Variants in CSMD3 observed in about 807,000 individuals in gnomAD.
CSMD3 encodes CUB and sushi domain-containing protein 3.
Under a neutral mutation model 435.2 loss-of-function variants are expected in CSMD3, and 177 were observed. The observed-to-expected ratio is 0.41, with a 90% CI of 0.36 to 0.46. CSMD3 has a LOEUF of 0.46. Ranked by LOEUF, CSMD3 falls within the 20% of genes least tolerant of loss-of-function variation. The pLI is 0.34. For missense variants in CSMD3, 4,265 were observed against 4,504.6 expected (o/e 0.95, Z 1.52); for synonymous variants, 1,656 against 1,520.5 (o/e 1.09, Z -2.07).
chr8:112,264,279 T>C lies in CSMD3; in HGVS notation c.9689-467A>G, dbSNP rs990770097. ...ACAGGTCATATGTCTGAGTATAATA[T>C]CCAAGTTAGTTCCCTTAACCACTTA... On this transcript the variant is annotated intron_variant, in intron 60 of 70. Coordinates refer to ENST00000297405, the MANE Select transcript of CSMD3 (RefSeq NM_198123.2). Among the ~76,000 whole-genome samples, 4 of 152,188 alleles carry C rather than the reference T, an allele frequency of 2.6e-5. No individual in the cohort carries two copies. In the East Asian group the frequency reaches 7.7e-4, roughly 29 times the overall value.
intron 5 of CSMD3, among the ~76,000 whole-genome samples, chr8:113,041,205 T>C (rs1342487044): frequency 1.6e-4 from 12 of 74,660 alleles, no homozygotes; most frequent in African/African-American, 6.5e-4. Flanking sequence ...GACTCCGTCT[T>C]AAAAAAAAAA....
intron 13 of CSMD3, among the ~76,000 whole-genome samples, chr8:112,752,639 A>C: frequency 6.6e-6 from 1 of 152,208 alleles, no homozygotes; most frequent in East Asian, 1.9e-4. Flanking sequence ...CTGAAGTTAT[A>C]AAGCTAACAA....
intron 5 of CSMD3, among the ~76,000 whole-genome samples, chr8:113,067,073 A>G (rs981799637): frequency 1.3e-5 from 2 of 152,132 alleles, no homozygotes; most frequent in African/African-American, 4.8e-5. Context: ...GTGAAGAAAA[A>G]GAGAATTCCA....
intron 38 of CSMD3, among the ~76,000 whole-genome samples, chr8:112,378,167 A>G (rs1451787571): frequency 1.7e-5 from 1 of 58,366 alleles, no homozygotes; most frequent in Admixed American, 2.2e-4. Context: ...TCAAACACAC[A>G]AAAAAAAATG....
chr8:113,201,262 T>C (rs1285250746), intron 3 of CSMD3, among the ~76,000 whole-genome samples: 1 of 151,998 alleles, frequency 6.6e-6, no homozygotes, highest in Admixed American at 6.6e-5. Flanking sequence ...AACACAGCAA[T>C]GAAATTCATT....
chr8:112,476,830 A>G (rs1442186623), intron 31 of CSMD3, among the ~76,000 whole-genome samples: 1 of 152,184 alleles, frequency 6.6e-6, no homozygotes, highest in Non-Finnish European at 1.5e-5. Context: ...CAGCTTCTCT[A>G]TCACCTCTGC....
chr8:113,113,907 T>C (rs1297527706), intron 4 of CSMD3, among the ~76,000 whole-genome samples: 2 of 152,162 alleles, frequency 1.3e-5, no homozygotes, highest in African/African-American at 2.4e-5. Flanking sequence ...CCACAGGCAG[T>C]TGAATGGTTA....
intron 32 of CSMD3, among the ~76,000 whole-genome samples, chr8:112,413,443 A>G (rs1325147857): frequency 6.6e-6 from 1 of 152,204 alleles, no homozygotes; most frequent in Non-Finnish European, 1.5e-5. Context: ...CATTCATTTA[A>G]TACCTGAGAC....
intron 1 of CSMD3, among the ~76,000 whole-genome samples, chr8:113,354,638 G>C (rs2094209953): frequency 6.6e-6 from 1 of 152,054 alleles, no homozygotes; most frequent in South Asian, 2.1e-4. Context: ...TTGTTGTTTT[G>C]TTTTTGTTTG....
At chr8:112,243,199 G>T (rs962833717) in intron 65 of CSMD3, among the ~76,000 whole-genome samples, 1 of 150,272 alleles carries the variant, frequency 6.7e-6, no homozygotes, top group East Asian at 2.0e-4. Flanking sequence ...ACAAACCAAA[G>T]AATAAGATCT....
chr8:113,072,458 C>T (rs535958580), intron 5 of CSMD3, among the ~76,000 whole-genome samples: 9 of 151,608 alleles, frequency 5.9e-5, no homozygotes, highest in Admixed American at 1.3e-4. Context: ...CTTTATTTTG[C>T]TGAGGTAAAT....
Position 112,566,377 on chromosome 8 carries a change from G to C in CSMD3, c.4042+7124C>G, listed in dbSNP as rs1829065655. ...TCTGGTAGGTGGTAGATAAATGTTA[G>C]CTGTTGTTATTTGTAATTCTTATAT... On this transcript the variant is annotated intron_variant, in intron 24 of 70. Coordinates refer to ENST00000297405, the MANE Select transcript of CSMD3 (RefSeq NM_198123.2). Among the ~76,000 whole-genome samples, 6 of 152,104 alleles carry C rather than the reference G, an allele frequency of 3.9e-5. No homozygotes were observed. In the South Asian group the frequency reaches 1.2e-3, roughly 32 times the overall value.
chr8:112,630,518 C>G (rs1426348891), intron 22 of CSMD3, among the ~76,000 whole-genome samples: 1 of 152,056 alleles, frequency 6.6e-6, no homozygotes, highest in Non-Finnish European at 1.5e-5. Flanking sequence ...GGGTTCAACA[C>G]AATGCCTGCC....
chr8:112,689,131 G>A (rs1160656660), intron 14 of CSMD3, among the ~76,000 whole-genome samples: 4 of 152,176 alleles, frequency 2.6e-5, no homozygotes, highest in African/African-American at 7.2e-5. Context: ...AAAGGGGACT[G>A]TGAAGGGGAC....
At chr8:112,742,665 A>T (rs2077338306) in intron 13 of CSMD3, among the ~76,000 whole-genome samples, 1 of 151,980 alleles carries the variant, frequency 6.6e-6, no homozygotes, top group Non-Finnish European at 1.5e-5. Flanking sequence ...ATGAAATAGA[A>T]ACATGACCCA....
chr8:113,078,214 T>C (rs540692995), intron 5 of CSMD3, among the ~76,000 whole-genome samples: 26 of 152,306 alleles, frequency 1.7e-4, no homozygotes, highest in Non-Finnish European at 2.1e-4. Context: ...AAATTGTACA[T>C]TGTGTCACCT....
At chr8:112,324,027 C>T (rs1290635053) in intron 45 of CSMD3, among the ~76,000 whole-genome samples, 1 of 151,882 alleles carries the variant, frequency 6.6e-6, no homozygotes, top group Non-Finnish European at 1.5e-5. Flanking sequence ...GATAAATAAA[C>T]CTCATTTTGA....
intron 40 of CSMD3, among the ~76,000 whole-genome samples, chr8:112,347,256 A>C (rs1175500614): frequency 6.6e-6 from 1 of 152,158 alleles, no homozygotes; most frequent in Non-Finnish European, 1.5e-5. Flanking sequence ...AGCATATATG[A>C]AAGGCAATTG....
At chr8:112,747,006 A>G (rs2077441939) in intron 13 of CSMD3, among the ~76,000 whole-genome samples, 1 of 152,050 alleles carries the variant, frequency 6.6e-6, no homozygotes, top group Admixed American at 6.6e-5. Flanking sequence ...ATTTTACTCC[A>G]TCGCAGGCAT....
Sources: allele counts gnomAD v4.1 joint callset (sites outside exome capture counted in the v4.1 genomes callset), GRCh38; gene constraint gnomAD v4.1.1; transcripts MANE v1.5; gene names NCBI Gene and HGNC (gene_info 2026-07-23, HGNC 2026-07-21).